Variants in CFAP43 observed in about 807,000 individuals in gnomAD.
CFAP43 encodes cilia and flagella associated protein 43, also known as cilia- and flagella-associated protein 43.
CFAP43 carries 155 observed loss-of-function variants against 218.9 expected under a neutral mutation model. The observed-to-expected ratio is 0.71, with a 90% CI of 0.62 to 0.81. The LOEUF is 0.81. CFAP43 is among the 30% of genes least tolerant of loss of function. The pLI, the probability that CFAP43 is intolerant of heterozygous loss-of-function variation, is 0.00. For missense variants in CFAP43, 1,778 were observed against 1,954.3 expected, an observed-to-expected ratio of 0.91 and a Z score of 1.70; for synonymous variants, 645 against 681.3, an observed-to-expected ratio of 0.95 and a Z score of 0.83.
At chr10:104,130,934 G>A (rs965673181) in intron 37 of CFAP43, among the ~76,000 whole-genome samples, 1 of 150,416 alleles carries the variant, frequency 6.6e-6, no homozygotes, top group Non-Finnish European at 1.5e-5. Context: ...AGGAGGTGGA[G>A]GTTGCATTGA....
At chr10:104,203,331 G>C (rs2090587240) in intron 8 of CFAP43, 1 of 268,996 alleles carries the variant, frequency 3.7e-6, no homozygotes, top group Non-Finnish European at 6.9e-6. Flanking sequence ...ATAATCTAGA[G>C]CTACATATAA....
chr10:104,196,966 G>A (rs749363204), intron 9 of CFAP43, 33 bp from the exon 10 acceptor site: 1 of 1,560,946 alleles, frequency 6.4e-7, no homozygotes, highest in Non-Finnish European at 8.8e-7. Flanking sequence ...ACTCTACATG[G>A]AAAATAAGAC....
At position 104,207,968 on chromosome 10, in the gene CFAP43, A is replaced by G. The variant is rs1028575031; in HGVS notation, c.736-144T>C. On this transcript the variant is annotated intron_variant, in intron 5 of 37. Coordinates refer to ENST00000357060, the MANE Select transcript of CFAP43 (RefSeq NM_025145.7). ...ATAGGAACATTGAGCATTCATCATA[A>G]TAATTTTTTTTAAGGACAGACTGAC... The G allele has an allele frequency of 6.6e-6, 5 of 757,810 alleles. No individual in the cohort carries two copies. The South Asian group carries it at 1.1e-4, about 17-fold the overall frequency. The allele number at this position is 757,810 out of a possible 1,614,324, so 46.9% of individuals were successfully genotyped here. A position where few individuals can be genotyped will look rare whatever the true frequency, so the allele number is the denominator to read the frequency against.
intron 3 of CFAP43, among the ~76,000 whole-genome samples, chr10:104,223,449 T>C (rs990993356): frequency 6.6e-6 from 1 of 152,246 alleles, no homozygotes; most frequent in Non-Finnish European, 1.5e-5. Flanking sequence ...GACATTGATG[T>C]ACCCATTTTA....
At chr10:104,228,180 A>G (rs1192996470) in intron 2 of CFAP43, among the ~76,000 whole-genome samples, 1 of 152,130 alleles carries the variant, frequency 6.6e-6, no homozygotes, top group Non-Finnish European at 1.5e-5. Context: ...TGTTATTTAT[A>G]TTTAATGCTT....
chr10:104,192,388 T>G, intron 11 of CFAP43, 86 bp from the exon 12 acceptor site: 1 of 994,852 alleles, frequency 1.0e-6, no homozygotes, highest in Non-Finnish European at 1.6e-6. Flanking sequence ...CACAGAGATA[T>G]GTTCAAAGCC....
In CFAP43 at chr10:104,166,479, T is replaced by C. The variant is rs904882955; in HGVS notation, c.3039+9A>G. On this transcript the variant is annotated intron_variant, in intron 23 of 37. Transcript: ENST00000357060. ...GAGATTTTTCAGGATAAAAAGAAAA[T>C]TGACCCACTTTCAATAATATAATTT... 1.8e-5 allele frequency: 29 copies of C among 1,602,682 alleles called. No individual in the cohort carries two copies. Among genetic ancestry groups the C allele is most frequent in the Admixed American group, 1.0e-4 (6 of 58,670 alleles).
At chr10:104,186,764 T>G (rs562964264) in intron 14 of CFAP43, among the ~76,000 whole-genome samples, 115 of 152,256 alleles carry the variant, frequency 7.6e-4, no homozygotes, top group Non-Finnish European at 1.5e-3. Flanking sequence ...CTGAAGAATT[T>G]AGAGGAAGGA....
chr10:104,166,453 A>G (rs777255230), intron 23 of CFAP43, 35 bp downstream of exon 23: 1 of 1,522,564 alleles, frequency 6.6e-7, no homozygotes, highest in Admixed American at 1.8e-5. Flanking sequence ...TGGGGAGTCT[A>G]GAGATTTTTC....
intron 6 of CFAP43, 108 bp downstream of exon 6, chr10:104,207,557 A>T: frequency 1.9e-6 from 2 of 1,051,930 alleles, no homozygotes; most frequent in Non-Finnish European, 2.8e-6. Context: ...CCAGAGGATT[A>T]AGAAGAAGGA....
chr10:104,223,977 A>G (rs2135005234), intron 3 of CFAP43, among the ~76,000 whole-genome samples: 1 of 152,320 alleles, frequency 6.6e-6, no homozygotes, highest in Non-Finnish European at 1.5e-5. Context: ...GACAGAAACT[A>G]CATTACTGAC....
intron 20 of CFAP43, among the ~76,000 whole-genome samples, chr10:104,169,979 T>C (rs1335852868): frequency 6.6e-6 from 1 of 152,088 alleles, no homozygotes; most frequent in Non-Finnish European, 1.5e-5. Flanking sequence ...CTTCCTATCA[T>C]TGGGATCCTG....
chr10:104,213,555 T>C (rs914775928), intron 4 of CFAP43, among the ~76,000 whole-genome samples: 1 of 151,966 alleles, frequency 6.6e-6, no homozygotes, highest in Non-Finnish European at 1.5e-5. Context: ...TTTTTTTTTT[T>C]AGATGGAATC....
At position 104,159,366 on chromosome 10, in the gene CFAP43, C is replaced by A. The variant is rs555752672; in HGVS notation, c.3540+1671G>T. On this transcript the variant is annotated intron_variant, in intron 27 of 37. Coordinates refer to ENST00000357060, the MANE Select transcript of CFAP43 (RefSeq NM_025145.7). ...ACAAGAACAGTAGAAAGAACTCAAGCATTTCCTTCCAGGAAGTATTTTTTT... is the reference window on the plus strand; with the variant it reads ...ACAAGAACAGTAGAAAGAACTCAAGAATTTCCTTCCAGGAAGTATTTTTTT... 1.4e-4 allele frequency among the ~76,000 whole-genome samples: 21 copies of A among 152,254 alleles called. No individual in the cohort carries two copies. The South Asian group carries it at 4.1e-3, about 30-fold the overall frequency.
intron 7 of CFAP43, among the ~76,000 whole-genome samples, chr10:104,204,471 C>T (rs2090622715): frequency 6.6e-6 from 1 of 152,170 alleles, no homozygotes; most frequent in African/African-American, 2.4e-5. Flanking sequence ...AGCATGGGGA[C>T]TTTAGATGGC....
Position 104,207,779 on chromosome 10 carries a change from A to C in CFAP43, c.781T>G (p.Trp261Gly), listed in dbSNP as rs1306475499. ...ATGTACAAGTCACTTGTTGGAGTCC[A>C]GCAATGCATAGTCGGGTGAAGCAAA... ...YPLLHPTMHC[W>G]TPTSDLYIGC... The change falls in exon 6 of 38, where the codon TGG (tryptophan) becomes GGG (glycine). Residue 261 changes from tryptophan (W) to glycine (G), a missense_variant. Trp to Gly is a radical substitution (Grantham distance 184, BLOSUM62 -2). Coordinates refer to ENST00000357060, the MANE Select transcript of CFAP43 (RefSeq NM_025145.7). 6.2e-7 allele frequency: 1 copy of C among 1,614,178 alleles called. No individual in the cohort carries two copies. Among genetic ancestry groups the C allele is most frequent in the Admixed American group, 1.7e-5 (1 of 60,018 alleles).
At chr10:104,150,410 C>A (rs1343089908) in intron 28 of CFAP43, among the ~76,000 whole-genome samples, 1 of 152,178 alleles carries the variant, frequency 6.6e-6, no homozygotes, top group African/African-American at 2.4e-5. Context: ...TCTTTCCCTG[C>A]CTTTTTAGCT....
intron 26 of CFAP43, 75 bp downstream of exon 26, chr10:104,161,886 A>G: frequency 7.1e-7 from 1 of 1,402,396 alleles, no homozygotes; most frequent in Middle Eastern, 1.8e-4. Context: ...AGGTTTATAT[A>G]GGACAAAAAT....
chr10:104,214,832 A>ATTGAGTT (rs2090969270), intron 3 of CFAP43, among the ~76,000 whole-genome samples: 1 of 152,158 alleles, frequency 6.6e-6, no homozygotes, highest in Non-Finnish European at 1.5e-5. Context: ...TTGATCATTT[A>ATTGAGTT]TTGAGTTTTT....
Sources: gnomAD v4.1 joint callset for allele counts (sites outside exome capture counted in the v4.1 genomes callset) on GRCh38, gnomAD v4.1.1 for gene constraint, MANE v1.5 for transcripts, NCBI Gene and HGNC (gene_info 2026-07-23, HGNC 2026-07-21) for gene names.